CCDC149: variants seen among roughly 807,000 people sequenced by gnomAD.
CCDC149 encodes the protein coiled-coil domain-containing protein 149.
Under a neutral mutation model 59.9 loss-of-function variants are expected in CCDC149, and 45 were observed. That is an observed-to-expected ratio of 0.75 (90% CI 0.59 to 0.96). The LOEUF (loss-of-function observed/expected upper bound fraction) is 0.96, where lower values mean the gene tolerates loss of function less well. Among genes scored for constraint, CCDC149 ranks in the 40% least tolerant of loss-of-function variants. CCDC149 has a pLI of 0.00. For synonymous variants in CCDC149, 245 were observed against 260.6 expected, an observed-to-expected ratio of 0.94 and a Z score of 0.58; for missense variants, 584 against 664.7, an observed-to-expected ratio of 0.88 and a Z score of 1.33.
At chr4:24,875,685 A>C (rs145457366) in intron 2 of CCDC149, among the ~76,000 whole-genome samples, 5 of 152,252 alleles carry the variant, frequency 3.3e-5, no homozygotes, top group African/African-American at 1.2e-4. Context: ...ACTGTCCAAT[A>C]CAGTAGCCAT....
chr4:24,876,488 T>C (rs1194197037), intron 2 of CCDC149, 48 bp downstream of exon 2: 3 of 1,540,220 alleles, frequency 1.9e-6, no homozygotes, highest in Non-Finnish European at 2.6e-6. Context: ...CTTTATATCT[T>C]AATTCAGGGA....
intron 1 of CCDC149, among the ~76,000 whole-genome samples, chr4:24,884,395 CAGTACACTCT>C (rs1410887719): frequency 6.6e-6 from 1 of 152,160 alleles, no homozygotes; most frequent in Non-Finnish European, 1.5e-5. Context: ...AGGTTTGTGT[CAGTACACTCT>C]AGTACAGTCG....
intron 1 of CCDC149, among the ~76,000 whole-genome samples, chr4:24,945,906 C>T (rs1366974206): frequency 1.3e-5 from 2 of 152,138 alleles, no homozygotes; most frequent in Non-Finnish European, 2.9e-5. Context: ...CAGCTATGAG[C>T]CACCATGCCT....
At chr4:24,943,403 A>T (rs1225284516) in intron 1 of CCDC149, among the ~76,000 whole-genome samples, 4 of 151,754 alleles carry the variant, frequency 2.6e-5, no homozygotes, top group Admixed American at 1.3e-4. Context: ...TATACCTTAT[A>T]CAAAAATCAA....
intron 1 of CCDC149, 46 bp from the exon 2 acceptor site, chr4:24,876,743 G>A: frequency 6.4e-7 from 1 of 1,552,372 alleles, no homozygotes; most frequent in African/African-American, 1.4e-5. Context: ...ACATCCATGG[G>A]CCTCCATTAA....
rs534072693 is a variant in CCDC149 at position 24,895,018 on chromosome 4, C to CGATGATGAT, written c.63+17790_63+17798dup. On this transcript the variant is annotated intron_variant, in intron 1 of 12. Coordinates refer to ENST00000635206, the MANE Select transcript of CCDC149 (RefSeq NM_001330643.2). ...TCAGAATCCCAAGTGGCCGCTCTGG[C>CGATGATGAT]GATGATGATGATGATGACGACGACG... The CGATGATGAT allele has an allele frequency of 3.3e-6, 5 of 1,528,452 alleles. No homozygotes were observed. In the African/African-American group the frequency reaches 6.9e-5, roughly 21 times the overall value. The allele number at this position is 1,528,452 out of a possible 1,614,324, so 94.7% of individuals were successfully genotyped here. A position where few individuals can be genotyped will look rare whatever the true frequency, so the allele number is the denominator to read the frequency against.
intron 1 of CCDC149, among the ~76,000 whole-genome samples, chr4:24,957,367 T>A (rs1431814042): frequency 6.6e-6 from 1 of 152,214 alleles, no homozygotes; most frequent in East Asian, 1.9e-4. Context: ...CTCACATGTA[T>A]AACTTTATGA....
chr4:24,934,284 A>T (rs1722672120), intron 1 of CCDC149, among the ~76,000 whole-genome samples: 1 of 152,160 alleles, frequency 6.6e-6, no homozygotes, highest in South Asian at 2.1e-4. Flanking sequence ...AAGTCTCATG[A>T]AATGTGATAG....
intron 1 of CCDC149, among the ~76,000 whole-genome samples, chr4:24,910,967 C>T (rs529950752): frequency 3.6e-4 from 55 of 152,256 alleles, no homozygotes; most frequent in African/African-American, 1.2e-3. Flanking sequence ...TTTCACCTCC[C>T]CCATGGCCCC....
At position 24,969,840 on chromosome 4, in the gene CCDC149, A is replaced by G. The variant is rs576047944; in HGVS notation, c.-65+10229T>C. 3.2e-4 allele frequency among the ~76,000 whole-genome samples: 48 copies of G among 152,328 alleles called. 1 individual carries two copies. In the South Asian group the frequency reaches 9.7e-3, roughly 31 times the overall value. ...AAGCCTGCACAGCCAGTGGTTGGCC[A>G]TTGTAGCTCCCTTGGGGGAGGGCCT... On this transcript the variant is annotated intron_variant, in intron 1 of 12. Coordinates refer to the CCDC149 transcript ENST00000389609.
chr4:24,899,311 C>T (rs189779501), intron 1 of CCDC149, among the ~76,000 whole-genome samples: 4 of 152,050 alleles, frequency 2.6e-5, no homozygotes, highest in East Asian at 3.9e-4. Context: ...ACCATTGAGG[C>T]GGGATGGAAG....
At chr4:24,896,647 T>C (rs922789262) in intron 1 of CCDC149, among the ~76,000 whole-genome samples, 1 of 152,090 alleles carries the variant, frequency 6.6e-6, no homozygotes, top group Non-Finnish European at 1.5e-5. Flanking sequence ...ATAATAAAAT[T>C]CCAGTTTGGA....
intron 1 of CCDC149, among the ~76,000 whole-genome samples, chr4:24,963,953 G>A (rs1723719892): frequency 6.6e-6 from 1 of 152,180 alleles, no homozygotes; most frequent in East Asian, 1.9e-4. Context: ...CAAGCACTTT[G>A]GGAGGCCAAG....
intron 1 of CCDC149, among the ~76,000 whole-genome samples, chr4:24,970,872 C>T (rs1176692652): frequency 1.3e-5 from 2 of 152,126 alleles, no homozygotes. Flanking sequence ...ATGACTATCC[C>T]TGGAGTGGGT....
intron 2 of CCDC149, among the ~76,000 whole-genome samples, chr4:24,875,036 C>T (rs1353200018): frequency 2.0e-5 from 3 of 152,122 alleles, no homozygotes; most frequent in Admixed American, 6.5e-5. Flanking sequence ...AGGCTGGGCA[C>T]GGTGGCTCAT....
intron 3 of CCDC149, among the ~76,000 whole-genome samples, chr4:24,868,470 C>G (rs1014882488): frequency 7.2e-5 from 11 of 152,186 alleles, no homozygotes; most frequent in Non-Finnish European, 1.2e-4. Flanking sequence ...AATTCCCTCC[C>G]TAATTTTGGA....
At chr4:24,917,865 A>C (rs540516432), upstream of CCDC149, among the ~76,000 whole-genome samples, 9 of 152,230 alleles carry the variant, frequency 5.9e-5, no homozygotes, top group African/African-American at 2.2e-4. Flanking sequence ...ATTTATGGAA[A>C]TGGAAACGCA....
chr4:24,834,914 C>T (rs1716397525), intron 8 of CCDC149, 34 bp downstream of exon 8: 1 of 1,519,600 alleles, frequency 6.6e-7, no homozygotes, highest in Non-Finnish European at 9.1e-7. Context: ...ATTTTACGCT[C>T]ATGAGCGGTC....
intron 3 of CCDC149, among the ~76,000 whole-genome samples, chr4:24,868,659 A>G (rs1025133677): frequency 6.6e-6 from 1 of 152,224 alleles, no homozygotes; most frequent in African/African-American, 2.4e-5. Flanking sequence ...AGAGGTGTCA[A>G]TGGAAATGGT....
Sources: allele counts gnomAD v4.1 joint callset (sites outside exome capture counted in the v4.1 genomes callset), GRCh38; gene constraint gnomAD v4.1.1; transcripts MANE v1.5; gene names NCBI Gene and HGNC (gene_info 2026-07-23, HGNC 2026-07-21).